ALK: variants seen among roughly 807,000 people sequenced by gnomAD.
The protein encoded by ALK is ALK tyrosine kinase receptor.
A neutral mutation model predicts 163.1 loss-of-function variants in ALK; 74 were observed. That is an observed-to-expected ratio of 0.45 (90% CI 0.38 to 0.55). The LOEUF (loss-of-function observed/expected upper bound fraction) is 0.55. Among genes scored for constraint, ALK ranks in the 20% least tolerant of loss-of-function variants. ALK has a pLI of 0.00. For synonymous variants in ALK, 960 were observed against 843.2 expected (o/e 1.14, Z -2.40); for missense variants, 2,063 against 2,105.3 (o/e 0.98, Z 0.39).
rs1425108739 is a variant in ALK at position 29,192,915 on chromosome 2, A to G, written c.*309T>C. On this transcript the variant is annotated 3_prime_UTR_variant, in exon 29 of 29. Transcript: ENST00000389048. ...AATTCTGACTACATTGAAGCAGAGCACACACAATTTGAAAGAAGCATAAGG... is the reference window on the plus strand; with the variant it reads ...AATTCTGACTACATTGAAGCAGAGCGCACACAATTTGAAAGAAGCATAAGG... 6 of 451,086 alleles carry G rather than the reference A, an allele frequency of 1.3e-5. No individual in the cohort carries two copies. Among genetic ancestry groups the G allele is most frequent in the Non-Finnish European group, 2.5e-5 (6 of 242,714 alleles). The allele number at this position is 451,086 out of a possible 1,614,324, so 27.9% of individuals were successfully genotyped here.
intron 1 of ALK, chr2:29,907,295 G>A (rs1667578199): frequency 6.6e-6 from 1 of 152,078 alleles, no homozygotes; most frequent in African/African-American, 2.4e-5. Flanking sequence ...TAAGAGGTTT[G>A]CTATCATAAA....
intron 4 of ALK, among the ~76,000 whole-genome samples, chr2:29,529,524 C>T (rs1163684951): frequency 1.3e-5 from 2 of 152,234 alleles, no homozygotes; most frequent in African/African-American, 4.8e-5. Context: ...GCAGCGACCC[C>T]ATAATCAGAG....
At chr2:29,543,495 C>G (rs548968029) in intron 3 of ALK, among the ~76,000 whole-genome samples, 1 of 152,342 alleles carries the variant, frequency 6.6e-6, no homozygotes, top group East Asian at 1.9e-4. Flanking sequence ...CTCCCACTAG[C>G]AGCCATAAGT....
intron 26 of ALK, among the ~76,000 whole-genome samples, chr2:29,205,603 G>A (rs1487595604): frequency 6.6e-6 from 1 of 152,112 alleles, no homozygotes; most frequent in East Asian, 1.9e-4. Context: ...TCTGGCTTCT[G>A]GTGGCTGCGG....
intron 1 of ALK, among the ~76,000 whole-genome samples, chr2:29,878,567 A>G (rs1050982093): frequency 6.6e-6 from 1 of 152,224 alleles, no homozygotes; most frequent in Non-Finnish European, 1.5e-5. Flanking sequence ...AGGCATTTTA[A>G]AACAACTTCC....
At chr2:29,349,264 A>C (rs1411124495) in intron 5 of ALK, among the ~76,000 whole-genome samples, 1 of 152,144 alleles carries the variant, frequency 6.6e-6, no homozygotes, top group Non-Finnish European at 1.5e-5. Flanking sequence ...CCTGTGTTGC[A>C]GCCTGCCACT....
chr2:29,636,534 A>T (rs1338166680), intron 3 of ALK, among the ~76,000 whole-genome samples: 1 of 152,138 alleles, frequency 6.6e-6, no homozygotes, highest in Admixed American at 6.5e-5. Context: ...AAGTAGGGCA[A>T]CAGAAAGAGT....
intron 3 of ALK, among the ~76,000 whole-genome samples, chr2:29,579,676 A>T (rs11678427): frequency 3.3e-5 from 5 of 151,978 alleles, no homozygotes; most frequent in African/African-American, 9.7e-5. Flanking sequence ...TACATGCCAG[A>T]TTTGAAAAAC....
intron 1 of ALK, among the ~76,000 whole-genome samples, chr2:29,761,585 T>C (rs533458090): frequency 7.9e-5 from 12 of 152,328 alleles, no homozygotes; most frequent in Admixed American, 2.6e-4. Flanking sequence ...TTGGAAATGT[T>C]CAGTGGAATT....
chr2:29,265,816 C>T (rs1306544592), intron 11 of ALK, among the ~76,000 whole-genome samples: 2 of 151,928 alleles, frequency 1.3e-5, no homozygotes, highest in African/African-American at 2.4e-5. Flanking sequence ...GGTGAAACCC[C>T]GTCTCTACTA....
intron 6 of ALK, among the ~76,000 whole-genome samples, chr2:29,323,218 G>GCCAAA (rs1042885940): frequency 4.6e-5 from 7 of 152,282 alleles, no homozygotes; most frequent in African/African-American, 1.7e-4. Context: ...TTTGTAAACA[G>GCCAAA]CCAGAGAGGT....
intron 3 of ALK, among the ~76,000 whole-genome samples, chr2:29,659,322 G>C (rs1677278999): frequency 6.6e-6 from 1 of 152,154 alleles, no homozygotes; most frequent in Non-Finnish European, 1.5e-5. Context: ...TGGTAAATCA[G>C]TAGGTGAGGC....
intron 3 of ALK, among the ~76,000 whole-genome samples, chr2:29,693,722 T>A (rs531282337): frequency 1.3e-5 from 2 of 152,264 alleles, no homozygotes; most frequent in African/African-American, 4.8e-5. Context: ...GATGAGATTC[T>A]CTCGAGAATC....
intron 4 of ALK, among the ~76,000 whole-genome samples, chr2:29,490,173 C>T (rs1223950759): frequency 1.3e-5 from 2 of 152,312 alleles, no homozygotes; most frequent in African/African-American, 4.8e-5. Flanking sequence ...TGAAATTGTC[C>T]GTGCCAAGTC....
In ALK at chr2:29,728,103, A is replaced by G. The variant is rs76202777; in HGVS notation, c.668-10406T>C. ...TTTGTTCTTTAAACCTTTAAGCTGCAATACTCTGGGATGTTTTTAAAAAAA... is the reference window on the plus strand; with the variant it reads ...TTTGTTCTTTAAACCTTTAAGCTGCGATACTCTGGGATGTTTTTAAAAAAA... On this transcript the variant is annotated intron_variant, in intron 1 of 28. Coordinates refer to ENST00000389048, the MANE Select transcript of ALK (RefSeq NM_004304.5). Among the ~76,000 whole-genome samples, 1,413 of 151,816 alleles carry G rather than the reference A, an allele frequency of 9.3e-3. 22 individuals are homozygous for G. Among genetic ancestry groups the G allele is most frequent in the African/African-American group, 0.033 (1,351 of 41,074 alleles).
At chr2:29,311,581 G>A (rs1258190743) in intron 8 of ALK, among the ~76,000 whole-genome samples, 4 of 152,170 alleles carry the variant, frequency 2.6e-5, no homozygotes, top group African/African-American at 7.2e-5. Context: ...GGCTTATGAC[G>A]TTCTGCTCTG....
At chr2:29,721,813 C>T (rs1322833739) in intron 1 of ALK, among the ~76,000 whole-genome samples, 1 of 152,202 alleles carries the variant, frequency 6.6e-6, no homozygotes, top group Non-Finnish European at 1.5e-5. Flanking sequence ...GCTTCTTTGA[C>T]TGCCACACTC....
At chr2:29,798,074 C>T (rs2068883) in intron 1 of ALK, among the ~76,000 whole-genome samples, 4 of 152,036 alleles carry the variant, frequency 2.6e-5, no homozygotes, top group African/African-American at 7.3e-5. Flanking sequence ...CCATCAACTA[C>T]GATCCCAGAG....
rs148027306 is a variant in ALK at position 29,687,031 on chromosome 2, T to A, written c.952+7819A>T. 1.6e-3 allele frequency among the ~76,000 whole-genome samples: 244 copies of A among 152,130 alleles called. 3 individuals carry two copies. The highest frequency in any genetic ancestry group is 5.5e-3 in the African/African-American group (228 of 41,498). On this transcript the variant is annotated intron_variant, in intron 3 of 28. Transcript: ENST00000389048. The stretch of plus-strand genomic sequence containing the variant: ...AACTAATGTGGGCTTTCCTGGTGAA[T>A]TCCAAAAGACGGGCAGAGATAGAAG...
Sources: gnomAD v4.1 joint callset for allele counts (sites outside exome capture counted in the v4.1 genomes callset) on GRCh38, gnomAD v4.1.1 for gene constraint, MANE v1.5 for transcripts, NCBI Gene and HGNC (gene_info 2026-07-23, HGNC 2026-07-21) for gene names.